The following RXRA variants were observed in gnomAD, a reference collection of about 807,000 sequenced individuals.
The protein encoded by RXRA is retinoic acid receptor RXR-alpha.
Under a neutral mutation model 44.5 loss-of-function variants are expected in RXRA, and 5 were observed. The observed-to-expected ratio is 0.11, with a 90% CI of 0.06 to 0.24. The LOEUF (loss-of-function observed/expected upper bound fraction) is 0.24, where lower values mean the gene tolerates loss of function less well. RXRA is among the 10% of genes least tolerant of loss of function. RXRA has a pLI of 1.00. For synonymous variants in RXRA, 291 were observed against 271.4 expected (o/e 1.07, Z -0.71); for missense variants, 412 against 646.5 (o/e 0.64, Z 3.93).
At chr9:134,409,326 G>A (rs1180214861) in intron 4 of RXRA, among the ~76,000 whole-genome samples, 4 of 152,242 alleles carry the variant, frequency 2.6e-5, no homozygotes, top group Admixed American at 6.5e-5. Context: ...TGGGCGGCAT[G>A]TTCTGGCTGG....
At chr9:134,332,280 G>A (rs930424580) in intron 1 of RXRA, among the ~76,000 whole-genome samples, 6 of 152,296 alleles carry the variant, frequency 3.9e-5, no homozygotes, top group East Asian at 1.9e-4. Flanking sequence ...GGGAGTGGAC[G>A]GAGTGAGATT....
intron 1 of RXRA, among the ~76,000 whole-genome samples, chr9:134,392,535 C>T (rs66475113): frequency 0.54 from 81,509 of 152,024 alleles, 23,636 homozygotes; most frequent in East Asian, 0.73. Context: ...CCCAGAGCTG[C>T]GCGATTTCCA....
At chr9:134,395,579 A>G (rs73556212) in intron 1 of RXRA, among the ~76,000 whole-genome samples, 20,328 of 152,110 alleles carry the variant, frequency 0.13, 4,454 homozygotes, top group African/African-American at 0.46. Context: ...TCTCCTCCAG[A>G]GTCTGGGTGG....
At chr9:134,357,994 G>A (rs371736996) in intron 1 of RXRA, among the ~76,000 whole-genome samples, 1 of 152,190 alleles carries the variant, frequency 6.6e-6, no homozygotes, top group Admixed American at 6.5e-5. Context: ...CACAGAACAC[G>A]GGGACATGGG....
At chr9:134,359,482 G>C (rs1399514572) in intron 1 of RXRA, among the ~76,000 whole-genome samples, 3 of 152,068 alleles carry the variant, frequency 2.0e-5, no homozygotes, top group Admixed American at 6.5e-5. Context: ...CCCTCACCTC[G>C]GTGTGAACAT....
intron 9 of RXRA, among the ~76,000 whole-genome samples, chr9:134,434,457 C>G (rs1477903963): frequency 1.3e-5 from 2 of 152,138 alleles, no homozygotes; most frequent in East Asian, 3.9e-4. Context: ...AGGTGCTTCT[C>G]TTTGTTCAGT....
At chr9:134,385,915 G>A (rs1830713273) in intron 1 of RXRA, among the ~76,000 whole-genome samples, 1 of 152,264 alleles carries the variant, frequency 6.6e-6, no homozygotes, top group Non-Finnish European at 1.5e-5. Flanking sequence ...CTCTGCCCAG[G>A]CCCCTGCTGG....
At chr9:134,420,534 G>A (rs1045790447) in intron 5 of RXRA, among the ~76,000 whole-genome samples, 4 of 152,192 alleles carry the variant, frequency 2.6e-5, no homozygotes, top group African/African-American at 7.2e-5. Context: ...GCCATTCCTC[G>A]GGGGCCTTCT....
chr9:134,353,691 G>A (rs1179198263), intron 1 of RXRA, among the ~76,000 whole-genome samples: 1 of 152,228 alleles, frequency 6.6e-6, no homozygotes, highest in African/African-American at 2.4e-5. Flanking sequence ...TGCCCTTGGG[G>A]TGGGGGTGCC....
chr9:134,384,645 C>A (rs889840506), intron 1 of RXRA, among the ~76,000 whole-genome samples: 64 of 152,148 alleles, frequency 4.2e-4, no homozygotes, highest in Non-Finnish European at 7.1e-4. Flanking sequence ...GGGGCCAGAG[C>A]TGGAGGAAGA....
intron 6 of RXRA, chr9:134,422,732 G>C (rs945079020): frequency 1.0e-6 from 1 of 985,342 alleles, no homozygotes; most frequent in Non-Finnish European, 1.2e-6. Flanking sequence ...GTTGGGGGAA[G>C]GGCCTGGGGC....
chr9:134,340,159 G>A (rs781827454), intron 1 of RXRA, among the ~76,000 whole-genome samples: 90 of 152,234 alleles, frequency 5.9e-4, no homozygotes, highest in African/African-American at 2.1e-3. Flanking sequence ...TGTGTGTCTT[G>A]TGCCCCACAC....
intron 1 of RXRA, among the ~76,000 whole-genome samples, chr9:134,400,118 C>T (rs188869789): frequency 8.5e-5 from 13 of 152,296 alleles, no homozygotes; most frequent in Admixed American, 6.5e-4. Flanking sequence ...CGAGTTTCCA[C>T]GCTGCCGAGT....
chr9:134,357,024 C>T (rs1031259785), intron 1 of RXRA, among the ~76,000 whole-genome samples: 8 of 152,196 alleles, frequency 5.3e-5, no homozygotes, highest in African/African-American at 1.7e-4. Context: ...GCCGGGGAGG[C>T]GTGAAGGCAT....
intron 1 of RXRA, among the ~76,000 whole-genome samples, chr9:134,384,388 G>A (rs777484438): frequency 3.6e-4 from 55 of 152,246 alleles, no homozygotes; most frequent in Non-Finnish European, 6.2e-4. Flanking sequence ...AGAGGAAAGC[G>A]AACCGTGCTG....
At chr9:134,435,171 C>T (rs1312745993) in intron 9 of RXRA, among the ~76,000 whole-genome samples, 1 of 152,218 alleles carries the variant, frequency 6.6e-6, no homozygotes, top group Non-Finnish European at 1.5e-5. Context: ...CAGAGCTTTT[C>T]CCTGAAAGAA....
chr9:134,398,440 C>T (rs966792954), intron 1 of RXRA, among the ~76,000 whole-genome samples: 6 of 152,124 alleles, frequency 3.9e-5, no homozygotes, highest in African/African-American at 7.2e-5. Flanking sequence ...TTAATGTCCT[C>T]TTCCTGGCCA....
At chr9:134,378,452 C>G (rs977931473) in intron 1 of RXRA, among the ~76,000 whole-genome samples, 1 of 152,244 alleles carries the variant, frequency 6.6e-6, no homozygotes, top group Non-Finnish European at 1.5e-5. Flanking sequence ...GTGAACAGAG[C>G]TGGCCTGGTC....
At chr9:134,393,939 C>T (rs1830835868) in intron 1 of RXRA, among the ~76,000 whole-genome samples, 1 of 152,020 alleles carries the variant, frequency 6.6e-6, no homozygotes, top group African/African-American at 2.4e-5. Flanking sequence ...CCTATTCTTC[C>T]TTCTGCCGCT....
Sources: allele counts gnomAD v4.1 joint callset (sites outside exome capture counted in the v4.1 genomes callset), GRCh38; gene constraint gnomAD v4.1.1; transcripts MANE v1.5; gene names NCBI Gene and HGNC (gene_info 2026-07-23, HGNC 2026-07-21).